Variants in TAC1 observed in about 807,000 individuals in gnomAD.
The protein encoded by TAC1 is tachykinin precursor 1.
A neutral mutation model predicts 21.7 loss-of-function variants in TAC1; 12 were observed. The observed-to-expected ratio is 0.55, with a 90% CI of 0.35 to 0.89. The LOEUF (loss-of-function observed/expected upper bound fraction) is 0.89. Ranked by LOEUF, TAC1 falls within the 40% of genes least tolerant of loss-of-function variation. The probability of loss-of-function intolerance (pLI) is 0.01; values close to 1 mark genes in which losing one functional copy is unlikely to be tolerated. For synonymous variants in TAC1, 52 were observed against 52.0 expected, an observed-to-expected ratio of 1.00 and a Z score of 0.00; for missense variants, 128 against 151.4, an observed-to-expected ratio of 0.85 and a Z score of 0.81.
chr7:97,734,076 A>AGGCAC, intron 3 of TAC1, 172 bp from the exon 4 acceptor site: 1 of 701,906 alleles, frequency 1.4e-6, no homozygotes, highest in Non-Finnish European at 2.4e-6. Flanking sequence ...GACAAAGGGA[A>AGGCAC]GGCACGGGCC....
At chr7:97,736,172 C>T in intron 5 of TAC1, 127 bp from the exon 6 acceptor site, 1 of 685,216 alleles carries the variant, frequency 1.5e-6, no homozygotes, top group Non-Finnish European at 2.3e-6. Flanking sequence ...TTCAGTCTCA[C>T]CAAAACTTGA....
intron 6 of TAC1, among the ~76,000 whole-genome samples, chr7:97,738,197 G>T (rs192955332): frequency 6.6e-6 from 1 of 151,908 alleles, no homozygotes; most frequent in African/African-American, 2.4e-5. Context: ...TTGAGGCAAG[G>T]TTATCATAGC....
chr7:97,738,990 A>G (rs1789638250), intron 6 of TAC1, among the ~76,000 whole-genome samples: 1 of 148,520 alleles, frequency 6.7e-6, no homozygotes, highest in African/African-American at 2.5e-5. Context: ...TTGAAATTAT[A>G]TATAATAAAT....
chr7:97,737,055 A>G (rs1789589313), intron 6 of TAC1, among the ~76,000 whole-genome samples: 1 of 151,958 alleles, frequency 6.6e-6, no homozygotes, highest in Non-Finnish European at 1.5e-5. Context: ...CTTCTCTTCA[A>G]TTTCCATCTT....
chr7:97,733,748 A>G lies in TAC1; in HGVS notation c.149A>G (p.His50Arg). Residue 50 changes from histidine (H) to arginine (R), a missense_variant, in exon 3 of 7, where the codon CAT (histidine) becomes CGT (arginine). Transcript: ENST00000319273. ...IKEELPEPFE[H>R]LLQRIARRPK... ...GAGGAACTGCCGGAGCCCTTTGAGC[A>G]TCTTCTGCAGAGAATCGCCCGGAGA... The G allele has an allele frequency of 6.2e-7, 1 of 1,614,124 alleles. No homozygotes were observed. The highest frequency in any genetic ancestry group is 1.1e-5 in the South Asian group (1 of 91,082).
chr7:97,732,293 A>C lies in TAC1; in HGVS notation c.-10+98A>C. The C allele has an allele frequency of 4.7e-6, 1 of 212,082 alleles. No homozygotes were observed. The highest frequency in any genetic ancestry group is 9.5e-6 in the Non-Finnish European group (1 of 104,974). The allele number at this position is 212,082 out of a possible 1,614,324, so 13.1% of individuals were successfully genotyped here. On this transcript the variant is annotated intron_variant, in intron 1 of 6. Transcript: ENST00000319273. This position sits in a 1 kb window ranked among gnomAD's most constrained non-coding sequence, Gnocchi z 6.2. ...TGGGGGCGCCGCTGCGGCGAGGGAC[A>C]GTGGGGAGACTGGCTTCCCAAACGC...
intron 2 of TAC1, 28 bp from the exon 3 acceptor site, chr7:97,733,695 G>A (rs763363233): frequency 3.1e-6 from 5 of 1,611,850 alleles, no homozygotes; most frequent in East Asian, 2.2e-5. Context: ...TGCCTTACAC[G>A]CCCTTTGTCC....
chr7:97,733,818 T>G lies in TAC1; in HGVS notation c.219T>G (p.Ala73=). ...QFFGLMGKRD[A]DSSIEKQVAL... is the part of the protein sequence containing the mutation. ...TTGGATTAATGGGCAAACGGGATGC[T>G]GGTGAGATAGGCGACCGTCCCTAGG... The change falls in exon 3 of 7, where the codon GCT becomes GCG. Residue 73 remains alanine, a splice_region_variant and synonymous_variant. Coordinates refer to ENST00000319273, the MANE Select transcript of TAC1 (RefSeq NM_003182.3). 1 of 1,614,098 alleles carries G rather than the reference T, an allele frequency of 6.2e-7. No individual in the cohort carries two copies. The highest frequency in any genetic ancestry group is 8.5e-7 in the Non-Finnish European group (1 of 1,179,988).
rs865867818 is a variant in TAC1 at position 97,733,831 on chromosome 7, G to T, written c.220+12G>T. 6.2e-7 allele frequency: 1 copy of T among 1,613,738 alleles called. No homozygotes were observed. Among genetic ancestry groups the T allele is most frequent in the African/African-American group, 1.3e-5 (1 of 75,050 alleles). On this transcript the variant is annotated intron_variant, in intron 3 of 6. Transcript: ENST00000319273. Reference sequence around the variant, plus strand: ...CAAACGGGATGCTGGTGAGATAGGCGACCGTCCCTAGGTGTCTTGGGCAGC... The same window carrying T: ...CAAACGGGATGCTGGTGAGATAGGCTACCGTCCCTAGGTGTCTTGGGCAGC...
At chr7:97,733,243 T>C (rs1364859753) in intron 2 of TAC1, among the ~76,000 whole-genome samples, 1 of 152,148 alleles carries the variant, frequency 6.6e-6, no homozygotes, top group African/African-American at 2.4e-5. Context: ...AGTCTCCCTT[T>C]AGAAACTCGT....
chr7:97,739,127 G>A (rs1789643664), intron 6 of TAC1, among the ~76,000 whole-genome samples: 1 of 149,978 alleles, frequency 6.7e-6, no homozygotes, highest in South Asian at 2.1e-4. Flanking sequence ...CCATTAAGGT[G>A]CTAGTGAAAA....
chr7:97,738,665 G>C (rs1462730508), intron 6 of TAC1, among the ~76,000 whole-genome samples: 1 of 151,980 alleles, frequency 6.6e-6, no homozygotes, highest in Non-Finnish European at 1.5e-5. Flanking sequence ...AAGGATAGCT[G>C]GGTGTTTAAG....
chr7:97,736,188 A>G (rs1789570940), intron 5 of TAC1, 111 bp from the exon 6 acceptor site: 3 of 798,002 alleles, frequency 3.8e-6, no homozygotes, highest in Non-Finnish European at 5.8e-6. Flanking sequence ...CTTGAAGTAG[A>G]TAGATATTTA....
At chr7:97,734,151 G>A in intron 3 of TAC1, 97 bp from the exon 4 acceptor site, 1 of 1,212,178 alleles carries the variant, frequency 8.2e-7, no homozygotes, top group Non-Finnish European at 1.2e-6. Flanking sequence ...ATTCCCTGAG[G>A]TGAGAGTACA....
intron 6 of TAC1, among the ~76,000 whole-genome samples, chr7:97,738,390 ATTATG>A (rs1011631651): frequency 3.9e-5 from 6 of 152,022 alleles, no homozygotes; most frequent in Non-Finnish European, 8.8e-5. Flanking sequence ...GTAAGAGGAC[ATTATG>A]TTCCAGCTAA....
At position 97,732,523 on chromosome 7, in the gene TAC1, G is replaced by A. The variant is rs1337003537; in HGVS notation, c.-9-81G>A. 3 of 1,536,246 alleles carry A rather than the reference G, an allele frequency of 2.0e-6. No homozygotes were observed. Among genetic ancestry groups the A allele is most frequent in the Admixed American group, 1.8e-5 (1 of 55,506 alleles). On this transcript the variant is annotated intron_variant, in intron 1 of 6. Transcript: ENST00000319273. The surrounding 1 kb of genome is among the most constrained non-coding windows in gnomAD (Gnocchi z 6.2). ...CATCCGTTGTGGGGCAGAAAATTCT[G>A]TTGCTTTAACTCTTGGATAACCACC...
chr7:97,732,756 G>C lies in TAC1; in HGVS notation c.123+21G>C, dbSNP rs754462906. On this transcript the variant is annotated intron_variant, in intron 2 of 6. Transcript: ENST00000319273. The surrounding 1 kb of genome is among the most constrained non-coding windows in gnomAD (Gnocchi z 6.2). The stretch of plus-strand genomic sequence containing the variant: ...TCAAGGTGAGGCCCCTTCCCAGGAC[G>C]GCCCGCACCCTTCTTCCTGGGCTCG... 53 of 1,607,396 alleles carry C rather than the reference G, an allele frequency of 3.3e-5. No individual in the cohort carries two copies. The highest frequency in any genetic ancestry group is 6.7e-5 in the Admixed American group (4 of 59,574).
intron 5 of TAC1, among the ~76,000 whole-genome samples, chr7:97,735,995 A>G (rs1256127174): frequency 6.6e-6 from 1 of 152,050 alleles, no homozygotes; most frequent in Non-Finnish European, 1.5e-5. Context: ...AAAAAATCAA[A>G]CCTAGCTCAA....
rs1023508317 is a variant in TAC1 at position 97,733,648 on chromosome 7, G to A, written c.124-75G>A. 6.3e-5 allele frequency: 92 copies of A among 1,464,012 alleles called. 1 individual carries two copies. The South Asian group carries it at 9.1e-4, about 14-fold the overall frequency. The allele number at this position is 1,464,012 out of a possible 1,614,324, so 90.7% of individuals were successfully genotyped here. ...ACGCCTCGGGGCCGGAGTACAGCGG[G>A]GGGAAGGGCTCGGGTTGCTGGGTGC... is the stretch of plus-strand genomic sequence containing the variant. On this transcript the variant is annotated intron_variant, in intron 2 of 6. Transcript: ENST00000319273.
Sources: allele counts gnomAD v4.1 joint callset (sites outside exome capture counted in the v4.1 genomes callset), GRCh38; gene constraint gnomAD v4.1.1; non-coding constraint Gnocchi (gnomAD v3.1); transcripts MANE v1.5; gene names NCBI Gene and HGNC (gene_info 2026-07-23, HGNC 2026-07-21).